The following WNT3A variants were observed in gnomAD, a reference collection of about 807,000 sequenced individuals.
WNT3A encodes Wnt family member 3A.
In WNT3A, 17 loss-of-function variants were observed where a neutral mutation model predicts 37.0. That is an observed-to-expected ratio of 0.46 (90% confidence interval 0.31 to 0.69). WNT3A has a LOEUF of 0.69. Among genes scored for constraint, WNT3A ranks in the 30% least tolerant of loss-of-function variants. WNT3A has a pLI of 0.05. For missense variants in WNT3A, 411 were observed against 510.2 expected, an observed-to-expected ratio of 0.81 and a Z score of 1.87; for synonymous variants, 187 against 211.0, an observed-to-expected ratio of 0.89 and a Z score of 0.99.
chr1:228,028,887 A>T (rs2102768066), intron 2 of WNT3A, among the ~76,000 whole-genome samples: 1 of 152,206 alleles, frequency 6.6e-6, no homozygotes, highest in South Asian at 2.1e-4. Flanking sequence ...TTAACTTTCA[A>T]GGTTTTCAAA....
chr1:228,011,157 G>A (rs1442495902), intron 1 of WNT3A, among the ~76,000 whole-genome samples: 1 of 152,228 alleles, frequency 6.6e-6, no homozygotes, highest in Admixed American at 6.5e-5. Context: ...AAAGGGTGCA[G>A]GAGAGAAGGA....
At chr1:228,029,148 T>C (rs1265143920) in intron 2 of WNT3A, among the ~76,000 whole-genome samples, 3 of 152,220 alleles carry the variant, frequency 2.0e-5, no homozygotes, top group East Asian at 3.8e-4. Context: ...TTTCCTCAAG[T>C]TGGCATTCAG....
At chr1:228,028,841 C>T (rs2030920168) in intron 2 of WNT3A, among the ~76,000 whole-genome samples, 1 of 152,136 alleles carries the variant, frequency 6.6e-6, no homozygotes, top group Non-Finnish European at 1.5e-5. Flanking sequence ...TCACAAATGC[C>T]CTTTATCCAG....
chr1:228,024,982 C>T (rs1345191027), intron 2 of WNT3A, among the ~76,000 whole-genome samples: 3 of 152,120 alleles, frequency 2.0e-5, no homozygotes, highest in African/African-American at 4.8e-5. Context: ...CTCTCAATTC[C>T]AGTCTATTGG....
intron 3 of WNT3A, among the ~76,000 whole-genome samples, chr1:228,054,082 C>G (rs1235524590): frequency 6.6e-6 from 1 of 152,118 alleles, no homozygotes; most frequent in Non-Finnish European, 1.5e-5. Context: ...AGGGGCCCAC[C>G]AAGGGTGCCA....
rs774459352 is a variant in WNT3A, at chr1:228,042,324, T to G, written c.314-8332T>G. ...GGTTATTGAGAGTGGGCACCTTGCT[T>G]CTTATTCATCTCATATTCCTCATTC... On this transcript the variant is annotated intron_variant, in intron 2 of 3. Coordinates refer to ENST00000284523, the MANE Select transcript of WNT3A (RefSeq NM_033131.4). The surrounding 1 kb of genome is among the most constrained non-coding windows in gnomAD (Gnocchi z 5.2). Among the ~76,000 whole-genome samples the G allele has an allele frequency of 2.6e-5, 4 of 152,154 alleles. No individual in the cohort carries two copies. Among genetic ancestry groups the G allele is most frequent in the African/African-American group, 4.8e-5 (2 of 41,426 alleles).
chr1:228,043,519 AT>A (rs2031336810), intron 2 of WNT3A, among the ~76,000 whole-genome samples: 1 of 152,186 alleles, frequency 6.6e-6, no homozygotes, highest in African/African-American at 2.4e-5. Flanking sequence ...CACGGGCAAG[AT>A]GCCTCCGTTT....
intron 2 of WNT3A, among the ~76,000 whole-genome samples, chr1:228,034,281 C>T (rs190732168): frequency 9.2e-5 from 14 of 152,220 alleles, no homozygotes; most frequent in Admixed American, 5.2e-4. Flanking sequence ...CACACACATA[C>T]GCACACACAC....
intron 2 of WNT3A, among the ~76,000 whole-genome samples, chr1:228,035,647 C>T (rs1183906790): frequency 6.6e-6 from 1 of 152,218 alleles, no homozygotes; most frequent in African/African-American, 2.4e-5. Flanking sequence ...ATTAATGCCG[C>T]AGGCTCTCCA....
chr1:228,022,021 G>A (rs920418489), intron 1 of WNT3A, among the ~76,000 whole-genome samples: 2 of 152,206 alleles, frequency 1.3e-5, no homozygotes, highest in African/African-American at 2.4e-5. Context: ...GCAGGTCAGG[G>A]TCCTGGCCTT....
Position 228,031,974 on chromosome 1 carries a change from T to C in WNT3A, c.313+9066T>C, listed in dbSNP as rs1435905946. On this transcript the variant is annotated intron_variant, in intron 2 of 3. Coordinates refer to ENST00000284523, the MANE Select transcript of WNT3A (RefSeq NM_033131.4). This position sits in a 1 kb window ranked among gnomAD's most constrained non-coding sequence, Gnocchi z 4.8. ...AGGAAGCCTGTCCTGCTTGGAGCCA[T>C]ACCAGGTGATGGAGGAAGGCTGTGC... Among the ~76,000 whole-genome samples, 1 of 152,180 alleles carries C rather than the reference T, an allele frequency of 6.6e-6. No homozygotes were observed. Among genetic ancestry groups the C allele is most frequent in the Non-Finnish European group, 1.5e-5 (1 of 68,026 alleles).
intron 2 of WNT3A, among the ~76,000 whole-genome samples, chr1:228,030,743 C>G (rs1297654944): frequency 6.6e-6 from 1 of 152,208 alleles, no homozygotes; most frequent in Non-Finnish European, 1.5e-5. Flanking sequence ...CTTTGCAGTC[C>G]CTCTGCCAGG....
At chr1:228,046,824 ATGTG>A (rs1326797658) in intron 2 of WNT3A, among the ~76,000 whole-genome samples, 1 of 139,288 alleles carries the variant, frequency 7.2e-6, no homozygotes, top group Non-Finnish European at 1.6e-5. Flanking sequence ...GCATGCCTAT[ATGTG>A]TGTGTTTGCA....
rs150707323 is a variant in WNT3A at position 228,033,153 on chromosome 1, T to G, written c.313+10245T>G. 8.2e-3 allele frequency among the ~76,000 whole-genome samples: 1,242 copies of G among 152,354 alleles called. 29 individuals are homozygous for G. Among genetic ancestry groups the G allele is most frequent in the African/African-American group, 0.028 (1,164 of 41,580 alleles). On this transcript the variant is annotated intron_variant, in intron 2 of 3. Coordinates refer to ENST00000284523, the MANE Select transcript of WNT3A (RefSeq NM_033131.4). ...TCTTTTCACTTGCTTGATGGTGTCC[T>G]TTGATACATGCAAGATTTTAATTTT...
chr1:228,021,223 A>G (rs971406397), intron 1 of WNT3A, among the ~76,000 whole-genome samples: 3 of 152,236 alleles, frequency 2.0e-5, no homozygotes, highest in Non-Finnish European at 2.9e-5. Flanking sequence ...CACGGGCCAC[A>G]CGTGAAGCAT....
intron 1 of WNT3A, among the ~76,000 whole-genome samples, chr1:228,016,195 C>A (rs1030303185): frequency 6.6e-6 from 1 of 152,104 alleles, no homozygotes; most frequent in Admixed American, 6.6e-5. Flanking sequence ...CAAGGGAGCC[C>A]CCAAGGACCC....
At chr1:228,036,869 G>T (rs962310596) in intron 2 of WNT3A, among the ~76,000 whole-genome samples, 1 of 152,212 alleles carries the variant, frequency 6.6e-6, no homozygotes, top group Non-Finnish European at 1.5e-5. Flanking sequence ...ACGTGGCTCT[G>T]CAGAGAGCCT....
intron 1 of WNT3A, among the ~76,000 whole-genome samples, chr1:228,019,482 G>T (rs1365284970): frequency 6.6e-6 from 1 of 152,182 alleles, no homozygotes; most frequent in Non-Finnish European, 1.5e-5. Context: ...CCTTCTTTCA[G>T]ACACCTCTTG....
chr1:228,016,824 G>A (rs2030546740), intron 1 of WNT3A, among the ~76,000 whole-genome samples: 1 of 152,062 alleles, frequency 6.6e-6, no homozygotes, highest in Non-Finnish European at 1.5e-5. Context: ...AGGGGGCAGG[G>A]GAGGGTGCCA....
Sources: gnomAD v4.1 joint callset for allele counts (sites outside exome capture counted in the v4.1 genomes callset) on GRCh38, gnomAD v4.1.1 for gene constraint, Gnocchi (gnomAD v3.1) non-coding constraint, MANE v1.5 for transcripts, NCBI Gene and HGNC (gene_info 2026-07-23, HGNC 2026-07-21) for gene names.